Variants in FRMD4A observed in about 807,000 individuals in gnomAD.
FRMD4A encodes FERM domain containing 4A.
FRMD4A carries 29 observed loss-of-function variants against 129.1 expected under a neutral mutation model. The ratio of observed to expected loss-of-function variants is 0.22; its 90% CI spans 0.17 to 0.31. The LOEUF (loss-of-function observed/expected upper bound fraction) is 0.31, where lower values mean the gene tolerates loss of function less well. FRMD4A is among the 10% of genes least tolerant of loss of function. The pLI is 1.00. For synonymous variants in FRMD4A, 634 were observed against 571.6 expected (o/e 1.11, Z -1.56); for missense variants, 1,272 against 1,375.8 (o/e 0.92, Z 1.19).
At chr10:14,277,952 C>G (rs1845396770) in intron 2 of FRMD4A, among the ~76,000 whole-genome samples, 1 of 152,212 alleles carries the variant, frequency 6.6e-6, no homozygotes, top group African/African-American at 2.4e-5. Flanking sequence ...GGGAGTGGGC[C>G]ATGCCTTGCC....
At chr10:14,146,660 C>T (rs1228614691) in intron 2 of FRMD4A, among the ~76,000 whole-genome samples, 1 of 152,202 alleles carries the variant, frequency 6.6e-6, no homozygotes, top group East Asian at 1.9e-4. Flanking sequence ...ACTTATGACA[C>T]TAATGACTCA....
intron 6 of FRMD4A, among the ~76,000 whole-genome samples, chr10:13,768,752 C>T (rs1319412876): frequency 6.6e-6 from 1 of 152,202 alleles, no homozygotes; most frequent in Non-Finnish European, 1.5e-5. Flanking sequence ...ACTGAACCAC[C>T]TGACCTTGAG....
intron 2 of FRMD4A, among the ~76,000 whole-genome samples, chr10:13,981,668 G>T: frequency 6.6e-6 from 1 of 151,128 alleles, no homozygotes; most frequent in Non-Finnish European, 1.5e-5. Flanking sequence ...CAACTCCGGA[G>T]GCGGAGGTTG....
At chr10:13,667,393 G>T (rs2083144148) in intron 17 of FRMD4A, 1 of 109,346 alleles carries the variant, frequency 9.1e-6, no homozygotes, top group South Asian at 3.1e-4. Context: ...TTTTACTGTA[G>T]CTCCCTCCCA....
intron 2 of FRMD4A, among the ~76,000 whole-genome samples, chr10:14,003,320 G>A (rs1020532436): frequency 1.3e-5 from 2 of 152,148 alleles, no homozygotes; most frequent in Admixed American, 6.5e-5. Flanking sequence ...TTAGGAAGCT[G>A]GGGGTGTTGG....
At chr10:14,086,883 GGAGCTCAGCTTCCT>G (rs1205902840) in intron 2 of FRMD4A, among the ~76,000 whole-genome samples, 6 of 152,188 alleles carry the variant, frequency 3.9e-5, no homozygotes, top group Non-Finnish European at 8.8e-5. Flanking sequence ...TTGCTGCTCT[GGAGCTCAGCTTCCT>G]GATTTTGAGG....
rs554533886 is a variant in FRMD4A, at chr10:14,113,529, T to C, written c.45+216529A>G. Among the ~76,000 whole-genome samples the C allele has an allele frequency of 1.1e-4, 17 of 152,276 alleles. No homozygotes were observed. In the South Asian group the frequency reaches 2.9e-3, roughly 26 times the overall value. ...TTATTGATAAGGCTTCTGGTGAAGA[T>C]CAACAGTAGACTATTAGTAGTTAAA... On this transcript the variant is annotated intron_variant, in intron 2 of 24. Coordinates refer to ENST00000357447, the MANE Select transcript of FRMD4A (RefSeq NM_018027.5).
intron 2 of FRMD4A, among the ~76,000 whole-genome samples, chr10:14,315,313 T>A (rs1431743383): frequency 6.6e-6 from 1 of 152,178 alleles, no homozygotes; most frequent in Non-Finnish European, 1.5e-5. Flanking sequence ...CACTAGAATG[T>A]CTCATGGATC....
chr10:13,717,981 C>CA (rs58391309), intron 12 of FRMD4A, among the ~76,000 whole-genome samples: 51 of 151,920 alleles, frequency 3.4e-4, no homozygotes, highest in African/African-American at 1.2e-3. Flanking sequence ...CTGTGCGAGG[C>CA]AAAAAAAGAA....
At chr10:13,649,850 C>G (rs2081403994) in intron 24 of FRMD4A, among the ~76,000 whole-genome samples, 1 of 152,174 alleles carries the variant, frequency 6.6e-6, no homozygotes, top group South Asian at 2.1e-4. Context: ...AATGGGGCCA[C>G]TAAATAGTTG....
At chr10:13,799,577 C>T (rs2093206967) in intron 4 of FRMD4A, among the ~76,000 whole-genome samples, 1 of 152,194 alleles carries the variant, frequency 6.6e-6, no homozygotes, top group African/African-American at 2.4e-5. Context: ...CACTTCCTTC[C>T]TGCCTCTGAA....
At chr10:13,933,374 G>A (rs529043025) in intron 2 of FRMD4A, among the ~76,000 whole-genome samples, 43 of 152,256 alleles carry the variant, frequency 2.8e-4, no homozygotes, top group Middle Eastern at 6.8e-3. Context: ...CACAAATTCT[G>A]TAACGAGGCC....
chr10:13,875,472 C>T (rs1332197226), intron 2 of FRMD4A, among the ~76,000 whole-genome samples: 2 of 152,134 alleles, frequency 1.3e-5, no homozygotes, highest in East Asian at 1.9e-4. Context: ...CAAAGAGGTT[C>T]GGATGGTAGC....
chr10:14,044,094 G>A (rs1833890224), intron 2 of FRMD4A, among the ~76,000 whole-genome samples: 2 of 152,194 alleles, frequency 1.3e-5, no homozygotes, highest in African/African-American at 4.8e-5. Flanking sequence ...CTCCCTAGGT[G>A]CTGGGATTAC....
At chr10:14,180,837 A>T (rs948971441) in intron 2 of FRMD4A, among the ~76,000 whole-genome samples, 1 of 152,208 alleles carries the variant, frequency 6.6e-6, no homozygotes. Context: ...CAGACCCCAG[A>T]TCAATGTCTA....
intron 2 of FRMD4A, among the ~76,000 whole-genome samples, chr10:13,923,350 C>T (rs528782748): frequency 3.9e-5 from 6 of 152,274 alleles, no homozygotes; most frequent in African/African-American, 9.6e-5. Flanking sequence ...CTAAAGCACC[C>T]GACCTCCATA....
chr10:14,192,886 C>T (rs1564376992), intron 2 of FRMD4A, among the ~76,000 whole-genome samples: 1 of 152,220 alleles, frequency 6.6e-6, no homozygotes, highest in African/African-American at 2.4e-5. Flanking sequence ...TTTCTAATCA[C>T]ACCAATAGGG....
intron 2 of FRMD4A, among the ~76,000 whole-genome samples, chr10:13,878,524 G>C (rs6602692): frequency 6.6e-6 from 1 of 151,968 alleles, no homozygotes; most frequent in South Asian, 2.1e-4. Context: ...AGGCCGAGGC[G>C]GGCAGATCAC....
intron 2 of FRMD4A, among the ~76,000 whole-genome samples, chr10:14,072,720 A>G (rs978356458): frequency 6.6e-6 from 1 of 152,206 alleles, no homozygotes; most frequent in Admixed American, 6.5e-5. Context: ...CCACGCTAAT[A>G]AGCTTTTTGT....
Sources: allele counts gnomAD v4.1 joint callset (sites outside exome capture counted in the v4.1 genomes callset), GRCh38; gene constraint gnomAD v4.1.1; transcripts MANE v1.5; gene names NCBI Gene and HGNC (gene_info 2026-07-23, HGNC 2026-07-21).